Variants in DNM3 observed in about 807,000 individuals in gnomAD.
DNM3 encodes dynamin 3.
DNM3 carries 47 observed loss-of-function variants against 101.6 expected under a neutral mutation model. The ratio of observed to expected loss-of-function variants is 0.46; its 90% confidence interval spans 0.37 to 0.59. DNM3 has a LOEUF of 0.59. Ranked by LOEUF, DNM3 falls within the 20% of genes least tolerant of loss-of-function variation. The probability of loss-of-function intolerance (pLI) is 0.00; values close to 1 mark genes in which losing one functional copy is unlikely to be tolerated. For missense variants in DNM3, 849 were observed against 1,085.7 expected, an observed-to-expected ratio of 0.78 and a Z score of 3.06; for synonymous variants, 385 against 387.9, an observed-to-expected ratio of 0.99 and a Z score of 0.09.
chr1:172,171,479 G>A lies in DNM3; in HGVS notation c.1659+40191G>A, dbSNP rs566461465. 9.7e-4 allele frequency among the ~76,000 whole-genome samples: 148 copies of A among 151,798 alleles called. 3 individuals are homozygous for A. The South Asian group carries it at 0.025, about 25-fold the overall frequency. ...TCCTCTGAGTAAAAAGTTACATTTC[G>A]GAGAGGTATGACTGCACCTACCTAT... On this transcript the variant is annotated intron_variant, in intron 14 of 20. Coordinates refer to ENST00000627582, the MANE Select transcript of DNM3 (RefSeq NM_015569.5).
chr1:171,885,219 A>C (rs1275617338), intron 1 of DNM3, among the ~76,000 whole-genome samples: 13 of 152,018 alleles, frequency 8.6e-5, no homozygotes, highest in Non-Finnish European at 1.8e-4. Context: ...GCACTTGGTA[A>C]AAAAAAATCG....
At chr1:171,984,399 C>G (rs575225016) in intron 2 of DNM3, among the ~76,000 whole-genome samples, 1 of 152,282 alleles carries the variant, frequency 6.6e-6, no homozygotes, top group African/African-American at 2.4e-5. Context: ...CACCTCCCTC[C>G]CCTCCACACC....
At chr1:172,305,452 T>G (rs1422849886) in intron 15 of DNM3, among the ~76,000 whole-genome samples, 1 of 151,988 alleles carries the variant, frequency 6.6e-6, no homozygotes, top group Non-Finnish European at 1.5e-5. Context: ...CTACCAGAGG[T>G]ACAAGGAGGA....
intron 13 of DNM3, among the ~76,000 whole-genome samples, chr1:172,127,385 C>A (rs1030933103): frequency 1.0e-3 from 137 of 137,672 alleles, no homozygotes; most frequent in African/African-American, 2.7e-3. Flanking sequence ...TTACTCTCTA[C>A]TTATTATTAT....
chr1:172,035,788 C>T lies in DNM3; in HGVS notation c.849+2523C>T, dbSNP rs773087710. Among the ~76,000 whole-genome samples, 12 of 152,192 alleles carry T rather than the reference C, an allele frequency of 7.9e-5. No individual in the cohort carries two copies. The South Asian group carries it at 8.3e-4, about 11-fold the overall frequency. ...GTCCTCTCAGCTCTTTTGTTGCCTG[C>T]TTCATAGTTAGAACAGCAACGCATG... On this transcript the variant is annotated intron_variant, in intron 6 of 20. Transcript: ENST00000627582.
At chr1:172,118,873 C>T (rs2056108465) in intron 13 of DNM3, among the ~76,000 whole-genome samples, 1 of 152,288 alleles carries the variant, frequency 6.6e-6, no homozygotes, top group South Asian at 2.1e-4. Context: ...CAATCCTCCC[C>T]TCTGTCCAGA....
At chr1:172,120,091 A>G (rs1025243448) in intron 13 of DNM3, among the ~76,000 whole-genome samples, 2 of 152,308 alleles carry the variant, frequency 1.3e-5, no homozygotes, top group Admixed American at 1.3e-4. Flanking sequence ...GCAAATATGT[A>G]TTAGTCTGTT....
chr1:172,029,336 AG>A (rs55895051), intron 4 of DNM3, among the ~76,000 whole-genome samples: 55,379 of 151,900 alleles, frequency 0.36, 10,537 homozygotes, highest in East Asian at 0.63. Flanking sequence ...AGATGCAGAA[AG>A]GCCTACAAAA....
At chr1:172,016,290 G>A (rs539899022) in intron 4 of DNM3, among the ~76,000 whole-genome samples, 10 of 152,006 alleles carry the variant, frequency 6.6e-5, no homozygotes, top group Admixed American at 2.0e-4. Context: ...TTTCTAGTTT[G>A]CTGAGATTTA....
At chr1:172,348,140 G>A (rs923063705) in intron 17 of DNM3, among the ~76,000 whole-genome samples, 1 of 152,034 alleles carries the variant, frequency 6.6e-6, no homozygotes. Flanking sequence ...ACATGATACT[G>A]TATGAACAGA....
intron 15 of DNM3, among the ~76,000 whole-genome samples, chr1:172,295,120 A>G (rs1015730326): frequency 6.6e-6 from 1 of 152,148 alleles, no homozygotes; most frequent in African/African-American, 2.4e-5. Flanking sequence ...CTTTGCCCTG[A>G]TTAAGAAAAA....
intron 1 of DNM3, among the ~76,000 whole-genome samples, chr1:171,889,111 C>G (rs2037033740): frequency 6.6e-6 from 1 of 152,120 alleles, no homozygotes; most frequent in African/African-American, 2.4e-5. Context: ...TCCTGAGTAG[C>G]TGGGGCCACA....
chr1:172,175,128 C>T (rs1210745454), intron 14 of DNM3, among the ~76,000 whole-genome samples: 2 of 151,726 alleles, frequency 1.3e-5, no homozygotes, highest in African/African-American at 4.8e-5. Context: ...TAGCCAGGCA[C>T]CTTACAAAAT....
rs181558861 is a variant in DNM3 at position 171,962,258 on chromosome 1, C to A, written c.236-25398C>A. Among the ~76,000 whole-genome samples the A allele has an allele frequency of 9.2e-5, 14 of 152,298 alleles. No individual in the cohort carries two copies. The East Asian group carries it at 2.7e-3, about 29-fold the overall frequency. The stretch of plus-strand genomic sequence containing the variant: ...ACCGCAGTAGGGATTAAGTGTCTAA[C>A]ACATTCAGTTTATAGACACATTCAA... On this transcript the variant is annotated intron_variant, in intron 2 of 20. Transcript: ENST00000627582.
At chr1:171,854,590 T>G (rs1312065051) in intron 1 of DNM3, among the ~76,000 whole-genome samples, 1 of 152,132 alleles carries the variant, frequency 6.6e-6, no homozygotes, top group Non-Finnish European at 1.5e-5. Flanking sequence ...TACTATTTAA[T>G]GCCCATTTAA....
intron 10 of DNM3, among the ~76,000 whole-genome samples, chr1:172,055,044 G>A (rs796860579): frequency 1.3e-4 from 18 of 141,578 alleles, no homozygotes; most frequent in African/African-American, 4.8e-4. Context: ...GCCAAATTTT[G>A]TGGCTTATTA....
At chr1:172,407,410 T>A (rs1245070922) in intron 20 of DNM3, among the ~76,000 whole-genome samples, 1 of 152,104 alleles carries the variant, frequency 6.6e-6, no homozygotes, top group Non-Finnish European at 1.5e-5. Context: ...AAAGCCATCA[T>A]TGTCTGAAAC....
At chr1:172,247,446 C>T (rs1318060447) in intron 14 of DNM3, among the ~76,000 whole-genome samples, 1 of 152,012 alleles carries the variant, frequency 6.6e-6, no homozygotes, top group Non-Finnish European at 1.5e-5. Context: ...GTTAGTCTGT[C>T]ATAGAACCTG....
At chr1:172,193,032 G>A (rs542730958) in intron 14 of DNM3, among the ~76,000 whole-genome samples, 1 of 151,704 alleles carries the variant, frequency 6.6e-6, no homozygotes, top group East Asian at 1.9e-4. Context: ...ATCCTCTCCA[G>A]CACCTGTTGT....
Sources: allele counts gnomAD v4.1 joint callset (sites outside exome capture counted in the v4.1 genomes callset), GRCh38; gene constraint gnomAD v4.1.1; transcripts MANE v1.5; gene names NCBI Gene and HGNC (gene_info 2026-07-23, HGNC 2026-07-21).